ARHGEF12: variants seen among roughly 807,000 people sequenced by gnomAD.
The protein encoded by ARHGEF12 is Rho guanine nucleotide exchange factor 12, also known as KMT2A/ARHGEF12 fusion protein.
ARHGEF12 carries 66 observed loss-of-function variants against 211.2 expected under a neutral mutation model. The ratio of observed to expected loss-of-function variants is 0.31; its 90% confidence interval spans 0.26 to 0.38. The LOEUF is 0.38. Ranked by LOEUF, ARHGEF12 falls within the 10% of genes least tolerant of loss-of-function variation. The probability of loss-of-function intolerance (pLI) is 1.00; values close to 1 mark genes in which losing one functional copy is unlikely to be tolerated. For synonymous variants in ARHGEF12, 592 were observed against 638.4 expected (o/e 0.93, Z 1.09); for missense variants, 1,429 against 1,869.5 (o/e 0.76, Z 4.34).
chr11:120,403,895 G>T (rs1284869877), intron 1 of ARHGEF12, among the ~76,000 whole-genome samples: 5 of 152,178 alleles, frequency 3.3e-5, no homozygotes, highest in African/African-American at 1.2e-4. Context: ...TCAGACTAAT[G>T]GTTGAACTGA....
intron 36 of ARHGEF12, 47 bp from the exon 37 acceptor site, chr11:120,478,109 A>C: frequency 1.5e-6 from 2 of 1,312,898 alleles, no homozygotes; most frequent in Non-Finnish European, 2.1e-6. Context: ...GTTAAAAGTT[A>C]AAAGCTTTGT....
intron 1 of ARHGEF12, among the ~76,000 whole-genome samples, chr11:120,405,558 T>C (rs1294074900): frequency 6.6e-6 from 1 of 152,156 alleles, no homozygotes; most frequent in Non-Finnish European, 1.5e-5. Flanking sequence ...TGTTATTAAA[T>C]CTAAACCTAA....
At chr11:120,437,755 C>T (rs937044385) in intron 12 of ARHGEF12, among the ~76,000 whole-genome samples, 3 of 152,182 alleles carry the variant, frequency 2.0e-5, no homozygotes, top group Non-Finnish European at 4.4e-5. Context: ...TAGCCCCTGG[C>T]AGCCACCATT....
At position 120,476,756 on chromosome 11, in the gene ARHGEF12, T is replaced by A; in HGVS notation, c.3365+8T>A. 1 of 1,595,606 alleles carries A rather than the reference T, an allele frequency of 6.3e-7. No homozygotes were observed. The highest frequency in any genetic ancestry group is 8.6e-7 in the Non-Finnish European group (1 of 1,165,656). On this transcript the variant is annotated splice_region_variant and intron_variant, in intron 34 of 40. Transcript: ENST00000397843. Reference sequence around the variant, plus strand: ...AGTTTCTGAAAAGACTGTGTATGTATCAGATATGGCTACCTTGCTATAGCT... The same window carrying A: ...AGTTTCTGAAAAGACTGTGTATGTAACAGATATGGCTACCTTGCTATAGCT...
chr11:120,384,747 C>G (rs951649631), intron 1 of ARHGEF12, among the ~76,000 whole-genome samples: 1 of 152,176 alleles, frequency 6.6e-6, no homozygotes, highest in Admixed American at 6.6e-5. Context: ...CCCAGTCTTG[C>G]TTACAGATTT....
chr11:120,370,188 A>C (rs1943551661), intron 1 of ARHGEF12, among the ~76,000 whole-genome samples: 1 of 152,122 alleles, frequency 6.6e-6, no homozygotes, highest in Non-Finnish European at 1.5e-5. Flanking sequence ...TGAGGTAGGG[A>C]TTGAGTTTTA....
chr11:120,428,291 G>C, intron 8 of ARHGEF12, 44 bp downstream of exon 8: 1 of 1,435,108 alleles, frequency 7.0e-7, no homozygotes, highest in East Asian at 2.6e-5. Flanking sequence ...AGTCTTATAA[G>C]GATGTGTTTA....
At chr11:120,337,402 C>A in intron 1 of ARHGEF12, 127 bp downstream of exon 1, 1 of 1,535,380 alleles carries the variant, frequency 6.5e-7, no homozygotes. Flanking sequence ...TGTTTCGGAG[C>A]TGTGCAGTTA....
intron 1 of ARHGEF12, among the ~76,000 whole-genome samples, chr11:120,378,290 G>C (rs143283584): frequency 1.7e-4 from 26 of 152,028 alleles, no homozygotes; most frequent in Non-Finnish European, 3.5e-4. Context: ...CTTTTCATTT[G>C]CTTATTGACC....
chr11:120,337,374 A>T (rs763718529), intron 1 of ARHGEF12, 99 bp downstream of exon 1: 59 of 1,588,080 alleles, frequency 3.7e-5, no homozygotes, highest in Non-Finnish European at 4.2e-5. Flanking sequence ...CGAAGTTGAC[A>T]GGCAGAGGAA....
intron 1 of ARHGEF12, among the ~76,000 whole-genome samples, chr11:120,397,345 G>A (rs796340304): frequency 1.7e-4 from 26 of 152,234 alleles, no homozygotes; most frequent in African/African-American, 6.0e-4. Context: ...GGGGACGAGT[G>A]TGTCCTCTCT....
chr11:120,460,269 C>A (rs1946489127), intron 26 of ARHGEF12, among the ~76,000 whole-genome samples: 1 of 152,172 alleles, frequency 6.6e-6, no homozygotes, highest in African/African-American at 2.4e-5. Context: ...GTTTCACAGG[C>A]ATGCATTGAC....
chr11:120,477,081 T>TTG (rs1947054336), intron 34 of ARHGEF12, 138 bp from the exon 35 acceptor site: 15 of 662,014 alleles, frequency 2.3e-5, no homozygotes, highest in Admixed American at 1.4e-4. Flanking sequence ...CAGAGTGGGT[T>TTG]TTGTTGTTGT....
chr11:120,440,350 T>C (rs956971909), intron 13 of ARHGEF12, 129 bp downstream of exon 13: 2 of 726,518 alleles, frequency 2.8e-6, no homozygotes, highest in Non-Finnish European at 4.5e-6. Context: ...TTAGAACCAA[T>C]AGCTCCTTGG....
chr11:120,481,681 C>G (rs1947241930), intron 39 of ARHGEF12, 105 bp downstream of exon 39: 1 of 1,140,030 alleles, frequency 8.8e-7, no homozygotes. Context: ...TGTTCAGGTT[C>G]TAGATTTCTT....
At chr11:120,409,192 T>C in intron 3 of ARHGEF12, 1 of 546,800 alleles carries the variant, frequency 1.8e-6, no homozygotes. Flanking sequence ...TATTGCACTG[T>C]CTTTTCTTCG....
chr11:120,352,728 G>C (rs1420960173), intron 1 of ARHGEF12, among the ~76,000 whole-genome samples: 3 of 152,146 alleles, frequency 2.0e-5, no homozygotes. Flanking sequence ...TGTCTCCCAT[G>C]CTCAGGAGGG....
chr11:120,371,957 G>A (rs1389998437), intron 1 of ARHGEF12, among the ~76,000 whole-genome samples: 1 of 152,164 alleles, frequency 6.6e-6, no homozygotes, highest in African/African-American at 2.4e-5. Flanking sequence ...AATCTGAGGG[G>A]AAAACAGAAA....
intron 1 of ARHGEF12, among the ~76,000 whole-genome samples, chr11:120,351,115 T>C (rs750867536): frequency 7.2e-5 from 11 of 151,762 alleles, no homozygotes; most frequent in Non-Finnish European, 1.6e-4. Context: ...TTTGGGAGGC[T>C]GAGGCGGGCG....
Sources: allele counts gnomAD v4.1 joint callset (sites outside exome capture counted in the v4.1 genomes callset), GRCh38; gene constraint gnomAD v4.1.1; transcripts MANE v1.5; gene names NCBI Gene and HGNC (gene_info 2026-07-23, HGNC 2026-07-21).